Variants in ZMAT4 observed in about 807,000 individuals in gnomAD.
The protein encoded by ZMAT4 is zinc finger matrin-type protein 4.
A neutral mutation model predicts 28.7 loss-of-function variants in ZMAT4; 17 were observed. The observed-to-expected ratio is 0.59, with a 90% CI of 0.41 to 0.89. ZMAT4 has a LOEUF of 0.89. Among genes scored for constraint, ZMAT4 ranks in the 40% least tolerant of loss-of-function variants. The pLI is 0.00. For synonymous variants in ZMAT4, 117 were observed against 109.2 expected, an observed-to-expected ratio of 1.07 and a Z score of -0.44; for missense variants, 240 against 283.8, an observed-to-expected ratio of 0.85 and a Z score of 1.11.
chr8:40,807,138 C>CAAAAAAAA (rs34726845), intron 2 of ZMAT4, among the ~76,000 whole-genome samples: 1 of 90,272 alleles, frequency 1.1e-5, no homozygotes. Context: ...GGGGTGAGGA[C>CAAAAAAAA]AAAAAAAAAA....
chr8:40,552,393 C>T (rs1803393288), intron 6 of ZMAT4, among the ~76,000 whole-genome samples: 1 of 152,156 alleles, frequency 6.6e-6, no homozygotes, highest in South Asian at 2.1e-4. Context: ...TGCATCTTTT[C>T]CCCAGTTGGT....
intron 6 of ZMAT4, among the ~76,000 whole-genome samples, chr8:40,557,042 G>T (rs1349187350): frequency 6.6e-6 from 1 of 152,092 alleles, no homozygotes; most frequent in Non-Finnish European, 1.5e-5. Context: ...CTACCTCCAT[G>T]AGATCAATTT....
chr8:40,576,734 G>A (rs551035402), intron 6 of ZMAT4, among the ~76,000 whole-genome samples: 28 of 152,028 alleles, frequency 1.8e-4, no homozygotes, highest in African/African-American at 6.3e-4. Context: ...CTCACTGGTG[G>A]GACAGATAAA....
chr8:40,756,525 T>G (rs1427599714), intron 3 of ZMAT4, among the ~76,000 whole-genome samples: 7 of 143,680 alleles, frequency 4.9e-5, no homozygotes, highest in Non-Finnish European at 9.0e-5. Flanking sequence ...TAATAGCAAG[T>G]GATAGGAAAA....
chr8:40,881,477 AAGAAAG>A (rs1417197352), intron 1 of ZMAT4, among the ~76,000 whole-genome samples: 1 of 147,834 alleles, frequency 6.8e-6, no homozygotes, highest in Non-Finnish European at 1.5e-5. Flanking sequence ...GAAAGAAAGA[AAGAAAG>A]AAAGAAAGAA....
intron 4 of ZMAT4, among the ~76,000 whole-genome samples, chr8:40,694,913 C>A (rs1809815149): frequency 6.6e-6 from 1 of 152,158 alleles, no homozygotes. Flanking sequence ...TTTGACCTTG[C>A]TGGAGAGTAG....
chr8:40,805,723 G>A (rs1474750549), intron 2 of ZMAT4, among the ~76,000 whole-genome samples: 1 of 147,352 alleles, frequency 6.8e-6, no homozygotes, highest in Non-Finnish European at 1.5e-5. Context: ...CTCACTCATA[G>A]GTGGGAATTG....
rs541692161 is a variant in ZMAT4, at chr8:40,538,573, C to T, written c.675-6335G>A. 1.4e-4 allele frequency among the ~76,000 whole-genome samples: 22 copies of T among 152,110 alleles called. No individual in the cohort carries two copies. The South Asian group carries it at 1.9e-3, about 13-fold the overall frequency. On this transcript the variant is annotated intron_variant, in intron 6 of 6. Transcript: ENST00000297737. ...TACAGAGTTTAACTCTTTTTGTCGA[C>T]GACAACATATTAGCCTCCTCATCTG... is the stretch of plus-strand genomic sequence containing the variant.
chr8:40,666,302 A>C, intron 5 of ZMAT4, among the ~76,000 whole-genome samples: 1 of 152,096 alleles, frequency 6.6e-6, no homozygotes, highest in East Asian at 1.9e-4. Context: ...CTTTTTTCTT[A>C]TTAATTTAAA....
intron 6 of ZMAT4, among the ~76,000 whole-genome samples, chr8:40,550,262 C>A (rs1228538579): frequency 1.3e-5 from 2 of 152,140 alleles, no homozygotes; most frequent in African/African-American, 4.8e-5. Flanking sequence ...TCTGAGATTG[C>A]ACAGTGTCCA....
intron 1 of ZMAT4, among the ~76,000 whole-genome samples, chr8:40,851,634 G>A (rs1343361978): frequency 6.6e-6 from 1 of 152,014 alleles, no homozygotes; most frequent in Non-Finnish European, 1.5e-5. Context: ...CATATGTATG[G>A]AGTACCTAGT....
intron 5 of ZMAT4, among the ~76,000 whole-genome samples, chr8:40,601,405 A>AAGGAAGG (rs3039809): frequency 0.089 from 6,414 of 72,224 alleles, 1,371 homozygotes; most frequent in Middle Eastern, 0.17. Flanking sequence ...AGGAGGAAAG[A>AAGGAAGG]AAGGAAGGAA....
intron 3 of ZMAT4, among the ~76,000 whole-genome samples, chr8:40,750,802 C>A (rs989920882): frequency 3.9e-5 from 6 of 152,146 alleles, no homozygotes; most frequent in African/African-American, 1.2e-4. Context: ...CCCAGTGGGG[C>A]CCCCCAAAAA....
chr8:40,868,841 A>G (rs1352473349), intron 1 of ZMAT4, among the ~76,000 whole-genome samples: 1 of 152,088 alleles, frequency 6.6e-6, no homozygotes, highest in African/African-American at 2.4e-5. Context: ...CTTCAACTCC[A>G]CTTGTCTAGT....
At chr8:40,832,440 A>G (rs1816317967) in intron 1 of ZMAT4, among the ~76,000 whole-genome samples, 1 of 151,902 alleles carries the variant, frequency 6.6e-6, no homozygotes, top group South Asian at 2.1e-4. Flanking sequence ...CTGCCCTCCA[A>G]CGTGGCCTGA....
intron 2 of ZMAT4, among the ~76,000 whole-genome samples, chr8:40,802,093 C>T (rs1814874288): frequency 6.6e-6 from 1 of 152,186 alleles, no homozygotes; most frequent in African/African-American, 2.4e-5. Context: ...TTATAAAGAA[C>T]ATCTACAAGA....
chr8:40,667,612 CAT>C (rs1247619817), intron 5 of ZMAT4, among the ~76,000 whole-genome samples: 1 of 152,104 alleles, frequency 6.6e-6, no homozygotes, highest in Admixed American at 6.6e-5. Context: ...TCGAGGTTCT[CAT>C]GTGTTTTTCA....
At chr8:40,539,236 C>G (rs1408838919) in intron 6 of ZMAT4, among the ~76,000 whole-genome samples, 1 of 152,162 alleles carries the variant, frequency 6.6e-6, no homozygotes, top group East Asian at 1.9e-4. Context: ...CATTAAAGGC[C>G]TGACACACAT....
intron 3 of ZMAT4, among the ~76,000 whole-genome samples, chr8:40,715,733 G>T (rs1237520858): frequency 6.6e-6 from 1 of 152,088 alleles, no homozygotes; most frequent in East Asian, 1.9e-4. Context: ...ACATGCATGG[G>T]GCAGATCTAC....
Sources: gnomAD v4.1 joint callset for allele counts (sites outside exome capture counted in the v4.1 genomes callset) on GRCh38, gnomAD v4.1.1 for gene constraint, MANE v1.5 for transcripts, NCBI Gene and HGNC (gene_info 2026-07-23, HGNC 2026-07-21) for gene names.